Variants in WWOX observed in about 807,000 individuals in gnomAD.
The protein encoded by WWOX is WW domain containing oxidoreductase, also known as WW domain-containing oxidoreductase.
Under a neutral mutation model 46.2 loss-of-function variants are expected in WWOX, and 69 were observed. The observed-to-expected ratio is 1.49, with a 90% CI of 1.23 to 1.82. The LOEUF is 1.82. WWOX is among the 40% of genes most tolerant of loss of function. The pLI, the probability that WWOX is intolerant of heterozygous loss-of-function variation, is 0.00. For synonymous variants in WWOX, 359 were observed against 202.6 expected (o/e 1.77, Z -6.56); for missense variants, 919 against 542.6 (o/e 1.69, Z -6.89).
At chr16:78,600,222 A>T (rs751212544) in intron 8 of WWOX, among the ~76,000 whole-genome samples, 3 of 152,046 alleles carry the variant, frequency 2.0e-5, no homozygotes, top group Non-Finnish European at 2.9e-5. Flanking sequence ...CTCCCACAAC[A>T]CATGGGAATT....
At chr16:78,931,082 A>G (rs1012087113) in intron 8 of WWOX, among the ~76,000 whole-genome samples, 1 of 152,206 alleles carries the variant, frequency 6.6e-6, no homozygotes, top group Non-Finnish European at 1.5e-5. Flanking sequence ...TGATGAGCAT[A>G]TGGTAAATAA....
chr16:78,365,654 C>G (rs1369668224), intron 5 of WWOX, among the ~76,000 whole-genome samples: 1 of 152,188 alleles, frequency 6.6e-6, no homozygotes, highest in African/African-American at 2.4e-5. Context: ...GTATCTACTG[C>G]TGTCGTTTAG....
chr16:79,211,549 C>A, intron 8 of WWOX, 59 bp from the exon 9 acceptor site: 2 of 1,608,716 alleles, frequency 1.2e-6, no homozygotes, highest in South Asian at 1.1e-5. Context: ...GTCGAAATGA[C>A]GCCATCTCAT....
chr16:78,142,537 T>C (rs1412092657), intron 4 of WWOX, among the ~76,000 whole-genome samples: 2 of 152,262 alleles, frequency 1.3e-5, no homozygotes, highest in African/African-American at 4.8e-5. Context: ...ACCTTGGATG[T>C]GATTCCTCAA....
intron 6 of WWOX, among the ~76,000 whole-genome samples, chr16:78,392,504 C>T (rs577345595): frequency 2.6e-4 from 39 of 152,170 alleles, no homozygotes; most frequent in East Asian, 5.8e-4. Context: ...CTGCTTGAAT[C>T]GTCCCAAAGC....
intron 8 of WWOX, among the ~76,000 whole-genome samples, chr16:78,797,207 A>G (rs1269608823): frequency 6.6e-6 from 1 of 152,100 alleles, no homozygotes. Flanking sequence ...GACATAATCC[A>G]TGAGAGTGGC....
intron 5 of WWOX, among the ~76,000 whole-genome samples, chr16:78,305,720 G>T (rs915087871): frequency 1.3e-5 from 2 of 151,958 alleles, no homozygotes; most frequent in African/African-American, 4.8e-5. Context: ...TGGGTACCAC[G>T]CAGCCCACAT....
intron 8 of WWOX, among the ~76,000 whole-genome samples, chr16:78,951,872 C>T (rs1464303029): frequency 6.6e-6 from 1 of 152,166 alleles, no homozygotes; most frequent in Non-Finnish European, 1.5e-5. Flanking sequence ...TAGCAACACT[C>T]TTCAATGGAT....
intron 8 of WWOX, chr16:78,550,630 A>T (rs2044151135): frequency 6.6e-6 from 1 of 152,180 alleles, no homozygotes; most frequent in Non-Finnish European, 1.5e-5. Context: ...CATAACTCAA[A>T]GTGCTTGCTT....
rs114970895 is a variant in WWOX at position 78,700,155 on chromosome 16, A to G, written c.1056+267403A>G. ...CTTAGTCAGTCCAGGCTGCTATAAC[A>G]GAATACCGTTGACTGGGTGGCTTGA... is the stretch of plus-strand genomic sequence containing the variant. On this transcript the variant is annotated intron_variant, in intron 8 of 8. Coordinates refer to ENST00000566780, the MANE Select transcript of WWOX (RefSeq NM_016373.4). Among the ~76,000 whole-genome samples the G allele has an allele frequency of 5.5e-3, 835 of 151,480 alleles. 10 individuals are homozygous for G. The highest frequency in any genetic ancestry group is 0.019 in the African/African-American group (771 of 41,302).
chr16:78,565,722 C>T (rs1244382519), intron 8 of WWOX, among the ~76,000 whole-genome samples: 1 of 152,168 alleles, frequency 6.6e-6, no homozygotes, highest in Non-Finnish European at 1.5e-5. Context: ...TAATTCTGGA[C>T]TTCACGTTCC....
rs534463287 is a variant in WWOX at position 78,127,125 on chromosome 16, A to G, written c.409+11971A>G. On this transcript the variant is annotated intron_variant, in intron 4 of 8. Transcript: ENST00000566780. ...CCTGGGATAACCACTTCCTATCTGT[A>G]TGACCCGAGCAAGTTACTTTCCTTC... Among the ~76,000 whole-genome samples the G allele has an allele frequency of 3.3e-5, 5 of 152,298 alleles. No homozygotes were observed. The East Asian group carries it at 7.7e-4, about 23-fold the overall frequency.
At chr16:79,136,136 C>G (rs2049977561) in intron 8 of WWOX, among the ~76,000 whole-genome samples, 2 of 152,128 alleles carry the variant, frequency 1.3e-5, no homozygotes, top group Admixed American at 6.5e-5. Flanking sequence ...CGTCCAACTG[C>G]CAATGTTGCC....
intron 6 of WWOX, among the ~76,000 whole-genome samples, chr16:78,422,660 C>CATTTATATAT (rs1388283094): frequency 1.5e-4 from 1 of 6,532 alleles, no homozygotes; most frequent in South Asian, 5.0e-3. Context: ...GTTTTTTTTA[C>CATTTATATAT]ATGTATATAT....
chr16:78,671,960 G>GA (rs1225828966), intron 8 of WWOX, among the ~76,000 whole-genome samples: 2 of 151,958 alleles, frequency 1.3e-5, no homozygotes, highest in African/African-American at 2.4e-5. Flanking sequence ...CTGGGTAGTG[G>GA]AAAAAATATG....
At chr16:79,022,333 G>C (rs2047550349) in intron 8 of WWOX, among the ~76,000 whole-genome samples, 1 of 112,728 alleles carries the variant, frequency 8.9e-6, no homozygotes, top group Non-Finnish European at 1.7e-5. Flanking sequence ...GGACTCTCCA[G>C]CAATCTGTGG....
chr16:79,166,501 C>T (rs1370973546), intron 8 of WWOX, among the ~76,000 whole-genome samples: 2 of 152,180 alleles, frequency 1.3e-5, no homozygotes, highest in African/African-American at 2.4e-5. Context: ...GAGTTCAGAA[C>T]CACACCATAC....
At chr16:78,409,185 T>C (rs2082616736) in intron 6 of WWOX, among the ~76,000 whole-genome samples, 1 of 152,170 alleles carries the variant, frequency 6.6e-6, no homozygotes, top group Non-Finnish European at 1.5e-5. Context: ...ATACAGAAAG[T>C]CCTATTGGTT....
intron 8 of WWOX, among the ~76,000 whole-genome samples, chr16:78,847,435 T>C (rs1402483429): frequency 6.6e-6 from 1 of 152,212 alleles, no homozygotes; most frequent in East Asian, 1.9e-4. Flanking sequence ...ATGTACACTT[T>C]AATGTGTGTT....
Sources: allele counts gnomAD v4.1 joint callset (sites outside exome capture counted in the v4.1 genomes callset), GRCh38; gene constraint gnomAD v4.1.1; transcripts MANE v1.5; gene names NCBI Gene and HGNC (gene_info 2026-07-23, HGNC 2026-07-21).